DRC10: variants seen among roughly 807,000 people sequenced by gnomAD.
DRC10 encodes the protein IQ domain-containing protein D.
chr12:113,203,846 T>C, the DRC10 span, among the ~76,000 whole-genome samples: 4 of 144,006 alleles, frequency 2.8e-5, no homozygotes, highest in Non-Finnish European at 6.0e-5. Context: ...GGTCTTGAAC[T>C]CTTGACCTCA....
the DRC10 span, chr12:113,195,688 C>T: frequency 6.2e-7 from 1 of 1,613,524 alleles, no homozygotes; most frequent in African/African-American, 1.3e-5. Flanking sequence ...ACCAGATAGC[C>T]CTTCCATAGG....
chr12:113,196,305 G>A, the DRC10 span, among the ~76,000 whole-genome samples: 3 of 152,150 alleles, frequency 2.0e-5, no homozygotes, highest in African/African-American at 7.2e-5. Context: ...CACACAGTGG[G>A]GACACAAGAA....
chr12:113,220,450 C>T, the DRC10 span, among the ~76,000 whole-genome samples: 2 of 151,802 alleles, frequency 1.3e-5, no homozygotes, highest in South Asian at 4.2e-4. Context: ...GATGGGGTTT[C>T]ACCATACTGG....
the DRC10 span, among the ~76,000 whole-genome samples, chr12:113,211,202 C>T: frequency 6.6e-6 from 1 of 152,186 alleles, no homozygotes; most frequent in Admixed American, 6.5e-5. Flanking sequence ...CTGCCTCATG[C>T]TCCCGAGTAG....
chr12:113,209,051 C>T, the DRC10 span, among the ~76,000 whole-genome samples: 6 of 152,192 alleles, frequency 3.9e-5, no homozygotes, highest in Non-Finnish European at 5.9e-5. Context: ...CCTGCCTCAG[C>T]CTCCTGAGCA....
the DRC10 span, among the ~76,000 whole-genome samples, chr12:113,210,983 A>C: frequency 1.3e-5 from 2 of 152,172 alleles, no homozygotes; most frequent in Non-Finnish European, 2.9e-5. Flanking sequence ...ACTGGTAGAG[A>C]AAGATGGGGC....
chr12:113,203,852 C>A, the DRC10 span, among the ~76,000 whole-genome samples: 15 of 142,022 alleles, frequency 1.1e-4, no homozygotes, highest in African/African-American at 4.0e-4. Flanking sequence ...GAACTCTTGA[C>A]CTCAAGTGAT....
the DRC10 span, among the ~76,000 whole-genome samples, chr12:113,218,571 T>C: frequency 3.9e-5 from 6 of 152,168 alleles, no homozygotes; most frequent in Non-Finnish European, 7.3e-5. Context: ...GCCTTCTGAA[T>C]AGTTGGGACT....
At chr12:113,213,058 G>C in the DRC10 span, among the ~76,000 whole-genome samples, 1 of 150,158 alleles carries the variant, frequency 6.7e-6, no homozygotes, top group African/African-American at 2.4e-5. Flanking sequence ...AATATTTTGA[G>C]GAAAAAAAAG....
At chr12:113,215,867 C>A in the DRC10 span, among the ~76,000 whole-genome samples, 2 of 152,240 alleles carry the variant, frequency 1.3e-5, no homozygotes, top group Non-Finnish European at 2.9e-5. Context: ...ACACCGACAA[C>A]TCCAAATGCT....
the DRC10 span, among the ~76,000 whole-genome samples, chr12:113,209,295 A>T: frequency 6.6e-6 from 1 of 152,246 alleles, no homozygotes; most frequent in Non-Finnish European, 1.5e-5. Context: ...ACTAAATGTA[A>T]TGTTGTATTC....
chr12:113,214,661 T>A, the DRC10 span, among the ~76,000 whole-genome samples: 1 of 152,160 alleles, frequency 6.6e-6, no homozygotes, highest in Admixed American at 6.5e-5. Context: ...AAAATATATA[T>A]GTCCTGAATT....
chr12:113,197,139 G>C, the DRC10 span, among the ~76,000 whole-genome samples: 1 of 151,748 alleles, frequency 6.6e-6, no homozygotes, highest in East Asian at 1.9e-4. Context: ...ACTAGATGGA[G>C]CCATGATCAT....
chr12:113,210,569 C>T, the DRC10 span, among the ~76,000 whole-genome samples: 8 of 150,292 alleles, frequency 5.3e-5, no homozygotes, highest in Non-Finnish European at 1.2e-4. Flanking sequence ...CAAGACCAGC[C>T]CAGGCAACAT....
the DRC10 span, among the ~76,000 whole-genome samples, chr12:113,218,483 G>A: frequency 6.7e-6 from 1 of 149,522 alleles, no homozygotes; most frequent in African/African-American, 2.5e-5. Context: ...ACTCTGTCAC[G>A]CAGGCTAGAG....
the DRC10 span, chr12:113,200,858 G>T: frequency 7.1e-7 from 1 of 1,409,018 alleles, no homozygotes; most frequent in Non-Finnish European, 9.5e-7. Flanking sequence ...TCCATGCCCA[G>T]CCGGGCACAG....
the DRC10 span, chr12:113,207,533 A>G: frequency 6.2e-7 from 1 of 1,614,030 alleles, no homozygotes; most frequent in South Asian, 1.1e-5. Flanking sequence ...ATATCCTGTA[A>G]GAACTGGGCC....
the DRC10 span, among the ~76,000 whole-genome samples, chr12:113,206,306 G>C: frequency 1.3e-5 from 2 of 152,048 alleles, no homozygotes; most frequent in Admixed American, 1.3e-4. Context: ...ACCTGAACCG[G>C]TCCAAGCAAG....
chr12:113,197,929 G>A, the DRC10 span, among the ~76,000 whole-genome samples: 21 of 152,324 alleles, frequency 1.4e-4, no homozygotes, highest in African/African-American at 5.1e-4. Context: ...TTAAAGGACA[G>A]AAATCAGCCT....
Sources: gnomAD v4.1 joint callset for allele counts (sites outside exome capture counted in the v4.1 genomes callset) on GRCh38, gnomAD v4.1.1 for gene constraint, MANE v1.5 for transcripts, NCBI Gene and HGNC (gene_info 2026-07-23, HGNC 2026-07-21) for gene names.